SPOCK3: variants seen among roughly 807,000 people sequenced by gnomAD.
SPOCK3 encodes SPARC (osteonectin), cwcv and kazal like domains proteoglycan 3, also known as testican-3.
A neutral mutation model predicts 56.6 loss-of-function variants in SPOCK3; 30 were observed. The observed-to-expected ratio is 0.53, with a 90% CI of 0.40 to 0.72. SPOCK3 has a LOEUF of 0.72. Among genes scored for constraint, SPOCK3 ranks in the 30% least tolerant of loss-of-function variants. SPOCK3 has a pLI of 0.00. For missense variants in SPOCK3, 527 were observed against 530.0 expected (o/e 0.99, Z 0.06); for synonymous variants, 196 against 183.3 (o/e 1.07, Z -0.56).
chr4:166,839,866 A>T (rs1301093761), intron 6 of SPOCK3, among the ~76,000 whole-genome samples: 1 of 152,178 alleles, frequency 6.6e-6, no homozygotes, highest in Non-Finnish European at 1.5e-5. Flanking sequence ...ACTCTTCCCC[A>T]GAAAACCCCC....
At chr4:167,200,652 C>T (rs1016286989) in intron 2 of SPOCK3, among the ~76,000 whole-genome samples, 5 of 151,968 alleles carry the variant, frequency 3.3e-5, no homozygotes, top group African/African-American at 1.2e-4. Flanking sequence ...ATGAAGTAAA[C>T]TGCCTCCCCA....
intron 5 of SPOCK3, among the ~76,000 whole-genome samples, chr4:166,906,598 C>G (rs1404382722): frequency 6.6e-6 from 1 of 151,338 alleles, no homozygotes; most frequent in African/African-American, 2.4e-5. Context: ...AGATTGTTTT[C>G]TGCAACGAGT....
chr4:166,870,552 T>G (rs544889376), intron 6 of SPOCK3, among the ~76,000 whole-genome samples: 18 of 152,152 alleles, frequency 1.2e-4, no homozygotes, highest in African/African-American at 3.6e-4. Flanking sequence ...ATAAGAGAGA[T>G]AGTTGAAAAA....
chr4:167,205,491 TATATAA>T (rs1734146198), intron 2 of SPOCK3, among the ~76,000 whole-genome samples: 1 of 54,498 alleles, frequency 1.8e-5, no homozygotes, highest in Non-Finnish European at 3.1e-5. Flanking sequence ...TAATATATAA[TATATAA>T]TATATATTAT....
chr4:166,936,945 C>A (rs910888287), intron 4 of SPOCK3, among the ~76,000 whole-genome samples: 1 of 151,950 alleles, frequency 6.6e-6, no homozygotes, highest in Non-Finnish European at 1.5e-5. Flanking sequence ...TATTTTCTAA[C>A]CTTAATTGTA....
chr4:166,810,165 G>T (rs2126721377), intron 6 of SPOCK3, among the ~76,000 whole-genome samples: 1 of 152,106 alleles, frequency 6.6e-6, no homozygotes, highest in South Asian at 2.1e-4. Flanking sequence ...AATGTGTCTT[G>T]TCCTTTATTG....
chr4:167,162,048 A>C (rs1765366291), intron 2 of SPOCK3, among the ~76,000 whole-genome samples: 2 of 152,098 alleles, frequency 1.3e-5, no homozygotes, highest in Non-Finnish European at 2.9e-5. Flanking sequence ...AATAATAAAA[A>C]AAAAGAAGAC....
At chr4:167,167,525 T>C (rs1231529874) in intron 2 of SPOCK3, among the ~76,000 whole-genome samples, 1 of 152,176 alleles carries the variant, frequency 6.6e-6, no homozygotes, top group Non-Finnish European at 1.5e-5. Flanking sequence ...AAGTGTATGG[T>C]ATTTCTCACT....
intron 7 of SPOCK3, among the ~76,000 whole-genome samples, chr4:166,767,570 C>A (rs12506064): frequency 6.6e-6 from 1 of 151,962 alleles, no homozygotes. Context: ...GTTATAATTT[C>A]TGTTCTTTTA....
intron 2 of SPOCK3, among the ~76,000 whole-genome samples, chr4:167,093,587 C>T (rs535211372): frequency 5.9e-5 from 9 of 152,270 alleles, no homozygotes; most frequent in Admixed American, 2.0e-4. Flanking sequence ...ATGATGGTTT[C>T]CAGCTTCATC....
chr4:166,872,954 CAG>C (rs1259634540), intron 6 of SPOCK3, among the ~76,000 whole-genome samples: 4 of 152,066 alleles, frequency 2.6e-5, no homozygotes, highest in Non-Finnish European at 5.9e-5. Context: ...GAAAGAGGAA[CAG>C]GGGAAGGCAG....
intron 8 of SPOCK3, among the ~76,000 whole-genome samples, chr4:166,748,385 A>G: frequency 7.3e-6 from 1 of 137,346 alleles, no homozygotes; most frequent in Non-Finnish European, 1.5e-5. Flanking sequence ...AGAAATGGGG[A>G]AAGGATTCCC....
chr4:166,894,790 C>T (rs1421208191), intron 5 of SPOCK3, among the ~76,000 whole-genome samples: 1 of 152,164 alleles, frequency 6.6e-6, no homozygotes, highest in Non-Finnish European at 1.5e-5. Context: ...ACTATATCCT[C>T]TGGACCAGTA....
At chr4:166,832,660 G>A (rs1280399037) in intron 6 of SPOCK3, among the ~76,000 whole-genome samples, 1 of 152,124 alleles carries the variant, frequency 6.6e-6, no homozygotes, top group African/African-American at 2.4e-5. Flanking sequence ...TGAACCTAGA[G>A]ATCCATCAAT....
intron 6 of SPOCK3, among the ~76,000 whole-genome samples, chr4:166,824,689 T>G (rs778283356): frequency 1.3e-4 from 20 of 152,108 alleles, no homozygotes; most frequent in African/African-American, 2.4e-4. Flanking sequence ...CATGTTAGCT[T>G]GAGAAGAAGA....
At chr4:166,899,768 G>C (rs151100133) in intron 5 of SPOCK3, among the ~76,000 whole-genome samples, 120 of 152,194 alleles carry the variant, frequency 7.9e-4, no homozygotes, top group African/African-American at 2.7e-3. Context: ...GCCTGCCTCA[G>C]CCTCCCAAGA....
At chr4:167,034,798 A>T (rs1244028383) in intron 3 of SPOCK3, among the ~76,000 whole-genome samples, 1 of 152,184 alleles carries the variant, frequency 6.6e-6, no homozygotes, top group Non-Finnish European at 1.5e-5. Flanking sequence ...TTTTAAATTA[A>T]TCAACAATAA....
chr4:166,887,986 A>ATT (rs995872694), intron 6 of SPOCK3, among the ~76,000 whole-genome samples: 1 of 152,072 alleles, frequency 6.6e-6, no homozygotes, highest in Non-Finnish European at 1.5e-5. Context: ...AAATCGGCTA[A>ATT]TTTATTTTTG....
intron 8 of SPOCK3, among the ~76,000 whole-genome samples, chr4:166,747,506 T>C (rs1392509666): frequency 1.3e-5 from 2 of 152,172 alleles, no homozygotes; most frequent in Non-Finnish European, 2.9e-5. Context: ...GAGCTATTTA[T>C]GACAAACCCA....
Sources: allele counts gnomAD v4.1 joint callset (sites outside exome capture counted in the v4.1 genomes callset), GRCh38; gene constraint gnomAD v4.1.1; transcripts MANE v1.5; gene names NCBI Gene and HGNC (gene_info 2026-07-23, HGNC 2026-07-21).